SMOC1: variants seen among roughly 807,000 people sequenced by gnomAD.
SMOC1 encodes the protein SPARC-related modular calcium-binding protein 1.
A neutral mutation model predicts 56.3 loss-of-function variants in SMOC1; 22 were observed. The ratio of observed to expected loss-of-function variants is 0.39; its 90% CI spans 0.28 to 0.56. The LOEUF is 0.56. Among genes scored for constraint, SMOC1 ranks in the 20% least tolerant of loss-of-function variants. The probability of loss-of-function intolerance (pLI) is 0.61; values close to 1 mark genes in which losing one functional copy is unlikely to be tolerated. For synonymous variants in SMOC1, 193 were observed against 215.0 expected (o/e 0.90, Z 0.89); for missense variants, 509 against 565.4 (o/e 0.90, Z 1.01).
intron 1 of SMOC1, among the ~76,000 whole-genome samples, chr14:69,902,062 T>G (rs1594793243): frequency 6.6e-6 from 1 of 152,178 alleles, no homozygotes. Context: ...GTGTATGCCC[T>G]CCTCTGGTTT....
intron 1 of SMOC1, chr14:69,886,201 C>A: frequency 1.2e-6 from 1 of 806,782 alleles, no homozygotes. Flanking sequence ...CACTTGTATT[C>A]TAACTTGTAT....
chr14:69,939,278 C>A (rs1882460024), intron 1 of SMOC1, among the ~76,000 whole-genome samples: 1 of 152,246 alleles, frequency 6.6e-6, no homozygotes, highest in Admixed American at 6.5e-5. Flanking sequence ...AAAGGCATAT[C>A]TTACATGGCA....
intron 1 of SMOC1, among the ~76,000 whole-genome samples, chr14:69,934,304 T>C (rs556952084): frequency 6.6e-6 from 1 of 152,186 alleles, no homozygotes; most frequent in African/African-American, 2.4e-5. Flanking sequence ...GTATTGTCAT[T>C]GGCCCAGGGC....
intron 1 of SMOC1, among the ~76,000 whole-genome samples, chr14:69,926,707 A>G (rs977718830): frequency 6.6e-6 from 1 of 152,200 alleles, no homozygotes; most frequent in Non-Finnish European, 1.5e-5. Flanking sequence ...CTGGGGCCCC[A>G]TCAGGGATGA....
At chr14:69,986,767 G>A (rs776805218) in intron 5 of SMOC1, among the ~76,000 whole-genome samples, 2 of 152,152 alleles carry the variant, frequency 1.3e-5, no homozygotes, top group Non-Finnish European at 2.9e-5. Context: ...GCTCAAGGAT[G>A]TGAGAACTGC....
At chr14:70,012,643 A>C (rs537620167) in intron 9 of SMOC1, among the ~76,000 whole-genome samples, 12 of 152,280 alleles carry the variant, frequency 7.9e-5, no homozygotes, top group African/African-American at 2.9e-4. Context: ...CACTGGGAGT[A>C]GTGTAGAGGG....
chr14:70,022,682 C>G (rs1885770159), intron 10 of SMOC1, among the ~76,000 whole-genome samples: 1 of 152,234 alleles, frequency 6.6e-6, no homozygotes, highest in Admixed American at 6.5e-5. Flanking sequence ...CTTTTTGGCT[C>G]TGTCTCATAG....
intron 1 of SMOC1, among the ~76,000 whole-genome samples, chr14:69,947,626 T>A (rs944996716): frequency 9.9e-5 from 15 of 152,186 alleles, no homozygotes; most frequent in African/African-American, 3.6e-4. Flanking sequence ...CTGAGAAAAA[T>A]TCGATTGAAG....
intron 7 of SMOC1, among the ~76,000 whole-genome samples, chr14:70,007,433 T>C (rs970733077): frequency 2.0e-5 from 3 of 152,184 alleles, no homozygotes; most frequent in Non-Finnish European, 4.4e-5. Context: ...GAGAGAAAAA[T>C]ATCCAGGTAC....
intron 7 of SMOC1, among the ~76,000 whole-genome samples, chr14:69,999,785 G>A (rs944796571): frequency 2.6e-5 from 4 of 152,092 alleles, no homozygotes; most frequent in East Asian, 3.9e-4. Context: ...AAGCCTAGCC[G>A]CACAGTCCAT....
chr14:69,879,533 A>G lies in SMOC1; in HGVS notation c.-146A>G. The G allele has an allele frequency of 1.9e-6, 1 of 530,544 alleles. No individual in the cohort carries two copies. The allele number at this position is 530,544 out of a possible 1,614,324, so 32.9% of individuals were successfully genotyped here. ...GTTCATGACTGTGTCCCCTGACCGC[A>G]GCCTCTGCGAGCCCCCGCCGCAGGA... On this transcript the variant is annotated 5_prime_UTR_variant, in exon 1 of 12. Transcript: ENST00000361956.
At position 69,949,291 on chromosome 14, in the gene SMOC1, G is replaced by A. The variant is rs759100676; in HGVS notation, c.100-2847G>A. On this transcript the variant is annotated intron_variant, in intron 1 of 11. Coordinates refer to ENST00000361956, the MANE Select transcript of SMOC1 (RefSeq NM_001034852.3). ...CGATCCCTGGGGGTGGCAGGAGCCC[G>A]GAAAGCCAGGCCTGTGATGTCCCAC... 4.6e-5 allele frequency among the ~76,000 whole-genome samples: 7 copies of A among 152,108 alleles called. No individual in the cohort carries two copies. The East Asian group carries it at 5.8e-4, about 13-fold the overall frequency.
chr14:70,010,315 C>G (rs1399213293), intron 7 of SMOC1, among the ~76,000 whole-genome samples: 4 of 152,176 alleles, frequency 2.6e-5, no homozygotes, highest in Admixed American at 2.6e-4. Flanking sequence ...GTGGAAGGGT[C>G]TACATGCACA....
rs1257192935 is a variant in SMOC1, at chr14:69,942,932, C to T, written c.100-9206C>T. On this transcript the variant is annotated intron_variant, in intron 1 of 11. Transcript: ENST00000361956. ...AACCCATGGGTTCTCCTCTCTCCTGCCTTCCTACACAGTGGCACCTGGTGT... is the reference window on the plus strand; with the variant it reads ...AACCCATGGGTTCTCCTCTCTCCTGTCTTCCTACACAGTGGCACCTGGTGT... Among the ~76,000 whole-genome samples the T allele has an allele frequency of 2.0e-5, 3 of 152,180 alleles. No individual in the cohort carries two copies. In the East Asian group the frequency reaches 5.8e-4, roughly 29 times the overall value.
intron 1 of SMOC1, among the ~76,000 whole-genome samples, chr14:69,918,905 C>A (rs914443630): frequency 6.6e-6 from 1 of 152,280 alleles, no homozygotes; most frequent in South Asian, 2.1e-4. Context: ...ACAACCCAGG[C>A]AAATGGTGCA....
At chr14:69,971,320 G>A (rs1471057899) in intron 3 of SMOC1, among the ~76,000 whole-genome samples, 2 of 152,102 alleles carry the variant, frequency 1.3e-5, no homozygotes, top group South Asian at 2.1e-4. Context: ...ACCTGGCCCC[G>A]CTCCCCCTGG....
At chr14:69,914,897 C>T (rs1884645480) in intron 1 of SMOC1, among the ~76,000 whole-genome samples, 1 of 151,936 alleles carries the variant, frequency 6.6e-6, no homozygotes, top group South Asian at 2.1e-4. Context: ...TTCATTCATT[C>T]ATTCTGTTGC....
intron 5 of SMOC1, among the ~76,000 whole-genome samples, chr14:69,989,055 C>T (rs1447480087): frequency 6.6e-6 from 1 of 152,112 alleles, no homozygotes; most frequent in African/African-American, 2.4e-5. Context: ...TAGATGGATT[C>T]TAGGAGTGGA....
chr14:69,936,429 G>A (rs1040860729), intron 1 of SMOC1, among the ~76,000 whole-genome samples: 7 of 152,236 alleles, frequency 4.6e-5, no homozygotes, highest in African/African-American at 1.7e-4. Context: ...TGACACTGTT[G>A]AGAAAGGACA....
Sources: allele counts gnomAD v4.1 joint callset (sites outside exome capture counted in the v4.1 genomes callset), GRCh38; gene constraint gnomAD v4.1.1; transcripts MANE v1.5; gene names NCBI Gene and HGNC (gene_info 2026-07-23, HGNC 2026-07-21).